NOP58: variants seen among roughly 807,000 people sequenced by gnomAD.
NOP58 encodes NOP58 ribonucleoprotein, also known as nucleolar protein 58.
Under a neutral mutation model 71.2 loss-of-function variants are expected in NOP58, and 44 were observed. The observed-to-expected ratio is 0.62, with a 90% CI of 0.49 to 0.79. The LOEUF (loss-of-function observed/expected upper bound fraction) is 0.79. Among genes scored for constraint, NOP58 ranks in the 30% least tolerant of loss-of-function variants. The pLI is 0.00. For synonymous variants in NOP58, 228 were observed against 200.3 expected (o/e 1.14, Z -1.17); for missense variants, 538 against 620.2 (o/e 0.87, Z 1.41).
At chr2:202,273,130 A>G (rs1192875056) in intron 1 of NOP58, among the ~76,000 whole-genome samples, 3 of 152,240 alleles carry the variant, frequency 2.0e-5, no homozygotes, top group African/African-American at 7.2e-5. Flanking sequence ...GTCTCAATAA[A>G]TAAATAAATT....
intron 1 of NOP58, among the ~76,000 whole-genome samples, chr2:202,271,858 C>T (rs559855279): frequency 4.3e-4 from 66 of 152,128 alleles, no homozygotes; most frequent in Non-Finnish European, 7.6e-4. Flanking sequence ...GCAGAAGAAT[C>T]GCTTGAGGCC....
intron 1 of NOP58, among the ~76,000 whole-genome samples, chr2:202,267,532 A>C (rs749527275): frequency 1.3e-5 from 2 of 152,246 alleles, no homozygotes; most frequent in Non-Finnish European, 2.9e-5. Context: ...TAGAGCTACG[A>C]AACATGTCAA....
chr2:202,267,667 G>A (rs1688440640), intron 1 of NOP58, among the ~76,000 whole-genome samples: 1 of 152,096 alleles, frequency 6.6e-6, no homozygotes, highest in African/African-American at 2.4e-5. Flanking sequence ...GTTAATTGCC[G>A]TAGTATACTG....
intron 9 of NOP58, 77 bp downstream of exon 9, chr2:202,292,980 C>CT: frequency 6.6e-7 from 1 of 1,515,062 alleles, no homozygotes; most frequent in Non-Finnish European, 9.2e-7. Flanking sequence ...CATCTTTAAA[C>CT]TACAGCTGTT....
chr2:202,269,885 CAT>C lies in NOP58; in HGVS notation c.45+3900_45+3901del, dbSNP rs1230566855. Among the ~76,000 whole-genome samples the C allele has an allele frequency of 2.6e-5, 4 of 152,332 alleles. No individual in the cohort carries two copies. In the East Asian group the frequency reaches 7.7e-4, roughly 29 times the overall value. ...GCCATTAGTACGTATAACCATTTCA[CAT>C]GAGATGTAACTGATAGGACTGAGGA... On this transcript the variant is annotated intron_variant, in intron 1 of 14. Transcript: ENST00000264279.
chr2:202,280,770 C>CTTTTT (rs58033592), intron 3 of NOP58, among the ~76,000 whole-genome samples: 1 of 131,174 alleles, frequency 7.6e-6, no homozygotes, highest in African/African-American at 2.9e-5. Context: ...ACTTGCAAGT[C>CTTTTT]TTTTTTTTTT....
At chr2:202,267,062 T>G (rs1688429174) in intron 1 of NOP58, among the ~76,000 whole-genome samples, 1 of 152,240 alleles carries the variant, frequency 6.6e-6, no homozygotes, top group South Asian at 2.1e-4. Context: ...AGCACTGAAA[T>G]GGTTGAATGG....
intron 1 of NOP58, among the ~76,000 whole-genome samples, chr2:202,268,637 G>C (rs1688460073): frequency 6.6e-6 from 1 of 151,040 alleles, no homozygotes; most frequent in African/African-American, 2.4e-5. Context: ...TTGAGACGGA[G>C]TTTCACTCTT....
intron 3 of NOP58, chr2:202,278,216 G>T (rs1240151375): frequency 1.6e-6 from 1 of 641,656 alleles, no homozygotes; most frequent in Admixed American, 2.1e-5. Flanking sequence ...CCATAGGGCT[G>T]GTTTTCCCCA....
intron 14 of NOP58, 128 bp from the exon 15 acceptor site, chr2:202,303,258 G>A (rs1482143488): frequency 7.1e-7 from 1 of 1,410,618 alleles, no homozygotes; most frequent in South Asian, 1.4e-5. Flanking sequence ...AATCAAGTTT[G>A]CATTGAGGGG....
intron 9 of NOP58, among the ~76,000 whole-genome samples, chr2:202,294,382 A>G (rs956473398): frequency 2.0e-5 from 3 of 152,086 alleles, no homozygotes; most frequent in African/African-American, 7.2e-5. Context: ...ACACTTTTAA[A>G]ACTATGTCTA....
rs904574521 is a variant in NOP58, at chr2:202,274,383, C to G, written c.46-730C>G. ...CGGGGATTACAGGCATGTGCCACCA[C>G]GCCCAGCTAATTTTGTATTTTTTTT... On this transcript the variant is annotated intron_variant, in intron 1 of 14. Transcript: ENST00000264279. Among the ~76,000 whole-genome samples the G allele has an allele frequency of 3.3e-5, 5 of 149,912 alleles. No individual in the cohort carries two copies. The South Asian group carries it at 8.7e-4, about 26-fold the overall frequency.
intron 4 of NOP58, among the ~76,000 whole-genome samples, chr2:202,283,700 A>G (rs928025056): frequency 1.2e-4 from 19 of 152,006 alleles, no homozygotes; most frequent in African/African-American, 2.2e-4. Flanking sequence ...CGGCCTCCCA[A>G]AGTGCTGGGA....
At chr2:202,298,573 C>T (rs1689036525) in intron 12 of NOP58, among the ~76,000 whole-genome samples, 1 of 152,124 alleles carries the variant, frequency 6.6e-6, no homozygotes, top group South Asian at 2.1e-4. Flanking sequence ...GCGGAGGGTG[C>T]AGTGAGCTGA....
chr2:202,297,899 C>A lies in NOP58; in HGVS notation c.1261C>A (p.His421Asn). Reference protein sequence around the residue: ...KALAKTEKYEHKSEVKTYDPS... With the variant: ...KALAKTEKYENKSEVKTYDPS... ...ATTAGCAAAAACAGAAAAATATGAA[C>A]ACAAAAGGTGAGTACATTTAAGTGA... Residue 421 changes from histidine (H) to asparagine (N), a missense_variant, in exon 12 of 15, where the codon CAC (histidine) becomes AAC (asparagine). Physicochemically the swap from His to Asn is moderately conservative, Grantham distance 68. Transcript: ENST00000264279. 1.3e-6 allele frequency: 2 copies of A among 1,576,848 alleles called. No individual in the cohort carries two copies. The highest frequency in any genetic ancestry group is 1.7e-6 in the Non-Finnish European group (2 of 1,160,286).
rs551283431 is a variant in NOP58, at chr2:202,266,363, A to G, written c.45+377A>G. Among the ~76,000 whole-genome samples the G allele has an allele frequency of 1.3e-4, 20 of 151,980 alleles. No homozygotes were observed. In the South Asian group the frequency reaches 1.7e-3, roughly 13 times the overall value. ...GCCCATGCTGGAGTGCAGTGGCGCA[A>G]TCTTGGCTCACTGCAACCTCCGTCT... On this transcript the variant is annotated intron_variant, in intron 1 of 14. Coordinates refer to ENST00000264279, the MANE Select transcript of NOP58 (RefSeq NM_015934.5).
chr2:202,300,883 G>T (rs1256529270), intron 13 of NOP58, among the ~76,000 whole-genome samples: 1 of 152,118 alleles, frequency 6.6e-6, no homozygotes, highest in Admixed American at 6.6e-5. Context: ...TTACACCTGG[G>T]TTTATTGAAC....
chr2:202,286,515 A>C (rs1242030720), intron 5 of NOP58, among the ~76,000 whole-genome samples: 1 of 152,190 alleles, frequency 6.6e-6, no homozygotes, highest in Admixed American at 6.5e-5. Context: ...AAAACAAAAC[A>C]AAAAAGAAAC....
intron 10 of NOP58, among the ~76,000 whole-genome samples, chr2:202,296,935 G>T (rs1017491173): frequency 6.6e-6 from 1 of 151,752 alleles, no homozygotes; most frequent in Admixed American, 6.6e-5. Flanking sequence ...GGGTTTCACC[G>T]TGTTAGCCAG....
Sources: allele counts gnomAD v4.1 joint callset (sites outside exome capture counted in the v4.1 genomes callset), GRCh38; gene constraint gnomAD v4.1.1; transcripts MANE v1.5; gene names NCBI Gene and HGNC (gene_info 2026-07-23, HGNC 2026-07-21).